FEZ1: variants seen among roughly 807,000 people sequenced by gnomAD.
The protein encoded by FEZ1 is fasciculation and elongation protein zeta-1.
A neutral mutation model predicts 49.3 loss-of-function variants in FEZ1; 20 were observed. The observed-to-expected ratio is 0.41, with a 90% CI of 0.29 to 0.59. The LOEUF (loss-of-function observed/expected upper bound fraction) is 0.59, where lower values mean the gene tolerates loss of function less well. Among genes scored for constraint, FEZ1 ranks in the 20% least tolerant of loss-of-function variants. The pLI is 0.36. For synonymous variants in FEZ1, 170 were observed against 180.9 expected (o/e 0.94, Z 0.48); for missense variants, 413 against 476.0 (o/e 0.87, Z 1.23).
intron 8 of FEZ1, among the ~76,000 whole-genome samples, chr11:125,450,900 T>C (rs969049031): frequency 1.3e-5 from 2 of 152,200 alleles, no homozygotes; most frequent in Non-Finnish European, 2.9e-5. Context: ...TGTTTGCTTT[T>C]CCTTATTTCC....
chr11:125,483,063 A>G (rs967073198), intron 2 of FEZ1, among the ~76,000 whole-genome samples: 14 of 150,682 alleles, frequency 9.3e-5, no homozygotes, highest in Non-Finnish European at 1.9e-4. Flanking sequence ...TCAGGTGCCT[A>G]TGCATGTCAA....
rs138591225 is a variant in FEZ1 at position 125,465,449 on chromosome 11, C to T, written c.412-1879G>A. 4.9e-4 allele frequency among the ~76,000 whole-genome samples: 74 copies of T among 152,176 alleles called. No homozygotes were observed. The East Asian group carries it at 0.012, about 25-fold the overall frequency. On this transcript the variant is annotated intron_variant, in intron 3 of 9. Coordinates refer to ENST00000278919, the MANE Select transcript of FEZ1 (RefSeq NM_005103.5). ...AATGCTAATAAGCCTGGGCTGTGGC[C>T]GGAATGATGCACTAGTAGAGTTTCT...
chr11:125,491,854 C>T (rs1957385812), intron 1 of FEZ1, among the ~76,000 whole-genome samples: 1 of 152,134 alleles, frequency 6.6e-6, no homozygotes, highest in East Asian at 1.9e-4. Context: ...AAAATATATA[C>T]AAGTAGTACC....
chr11:125,464,545 G>T (rs567231887), intron 3 of FEZ1, among the ~76,000 whole-genome samples: 6 of 152,242 alleles, frequency 3.9e-5, no homozygotes, highest in Admixed American at 2.6e-4. Flanking sequence ...CTTCCCTGGG[G>T]CTTGTATTCT....
intron 2 of FEZ1, chr11:125,488,617 T>C (rs1431497006): frequency 1.8e-6 from 1 of 540,996 alleles, no homozygotes; most frequent in African/African-American, 2.1e-5. Context: ...GAGGTGGAGG[T>C]TGCAGTGAGC....
chr11:125,494,206 T>C (rs1957434922), intron 1 of FEZ1, among the ~76,000 whole-genome samples: 1 of 152,184 alleles, frequency 6.6e-6, no homozygotes, highest in Admixed American at 6.5e-5. Flanking sequence ...CCAAACTGAA[T>C]CCAGCATTTG....
chr11:125,491,768 T>C (rs1957384872), intron 1 of FEZ1, among the ~76,000 whole-genome samples: 1 of 152,208 alleles, frequency 6.6e-6, no homozygotes, highest in African/African-American at 2.4e-5. Flanking sequence ...TGGGATTAAG[T>C]TGATTACCGT....
chr11:125,444,022 A>G lies in FEZ1; in HGVS notation c.*2073T>C, dbSNP rs1956875100. Among the ~76,000 whole-genome samples, 1 of 152,232 alleles carries G rather than the reference A, an allele frequency of 6.6e-6. No individual in the cohort carries two copies. Among genetic ancestry groups the G allele is most frequent in the Non-Finnish European group, 1.5e-5 (1 of 68,036 alleles). On this transcript the variant is annotated 3_prime_UTR_variant, in exon 10 of 10. Coordinates refer to ENST00000278919, the MANE Select transcript of FEZ1 (RefSeq NM_005103.5). The stretch of plus-strand genomic sequence containing the variant: ...GCTGGTGAAAAACCCCGTCGCCGGC[A>G]GAGTGCTAAACATGCTAATGACCTC...
Position 125,476,146 on chromosome 11 carries a change from C to T in FEZ1, c.411+5388G>A, listed in dbSNP as rs904268389. On this transcript the variant is annotated intron_variant, in intron 3 of 9. Transcript: ENST00000278919. Reference sequence around the variant, plus strand: ...GATAAGTGGTTGCCCAGAGATTGGGCGGTGAGAGAGAGGGATGAGGAATAT... The same window carrying T: ...GATAAGTGGTTGCCCAGAGATTGGGTGGTGAGAGAGAGGGATGAGGAATAT... Among the ~76,000 whole-genome samples, 4 of 152,070 alleles carry T rather than the reference C, an allele frequency of 2.6e-5. No homozygotes were observed. In the East Asian group the frequency reaches 7.7e-4, roughly 29 times the overall value.
chr11:125,448,477 C>A, intron 9 of FEZ1, 25 bp downstream of exon 9: 1 of 1,553,452 alleles, frequency 6.4e-7, no homozygotes, highest in South Asian at 1.1e-5. Flanking sequence ...CCCTTCTGCT[C>A]CAGGAGGCCT....
At chr11:125,469,996 T>A (rs1332686386) in intron 3 of FEZ1, among the ~76,000 whole-genome samples, 3 of 151,802 alleles carry the variant, frequency 2.0e-5, no homozygotes, top group Non-Finnish European at 4.4e-5. Flanking sequence ...ATTATAGGAG[T>A]AAACCACCAT....
At position 125,454,267 on chromosome 11, in the gene FEZ1, C is replaced by T. The variant is rs887224713; in HGVS notation, c.940-57G>A. 41 of 1,356,630 alleles carry T rather than the reference C, an allele frequency of 3.0e-5. No individual in the cohort carries two copies. In the East Asian group the frequency reaches 7.4e-4, roughly 25 times the overall value. 84.0% of individuals were successfully genotyped at this position (1,356,630 alleles called of 1,614,324 possible). On this transcript the variant is annotated intron_variant, in intron 6 of 9. Coordinates refer to ENST00000278919, the MANE Select transcript of FEZ1 (RefSeq NM_005103.5). ...TGCTTCTTGCTACACTGTCACCACA[C>T]CCAGGGACCTCTCAGCTACCAGGCT... is the stretch of plus-strand genomic sequence containing the variant.
At chr11:125,473,896 C>G (rs1957205412) in intron 3 of FEZ1, among the ~76,000 whole-genome samples, 1 of 149,662 alleles carries the variant, frequency 6.7e-6, no homozygotes, top group African/African-American at 2.4e-5. Context: ...AATTATAAAA[C>G]TTCTAGAAGA....
In FEZ1 at chr11:125,495,248, C is replaced by T. The variant is rs1445326242; in HGVS notation, c.-46+873G>A. 4 of 397,162 alleles carry T rather than the reference C, an allele frequency of 1.0e-5. No individual in the cohort carries two copies. The highest frequency in any genetic ancestry group is 2.1e-5 in the Non-Finnish European group (4 of 187,578). The allele number at this position is 397,162 out of a possible 1,614,324, so 24.6% of individuals were successfully genotyped here. A position where few individuals can be genotyped will look rare whatever the true frequency, so the allele number is the denominator to read the frequency against. ...GCTGGCACTCTGAGGAAGCCGGACT[C>T]ATCCCGTGCAGGCCGCATACACACT... is the stretch of plus-strand genomic sequence containing the variant. On this transcript the variant is annotated intron_variant, in intron 1 of 9. Coordinates refer to ENST00000278919, the MANE Select transcript of FEZ1 (RefSeq NM_005103.5). The surrounding 1 kb of genome is among the most constrained non-coding windows in gnomAD (Gnocchi z 4.2).
chr11:125,469,320 T>C (rs1182360614), intron 3 of FEZ1, among the ~76,000 whole-genome samples: 1 of 152,170 alleles, frequency 6.6e-6, no homozygotes, highest in Admixed American at 6.5e-5. Flanking sequence ...GGGGAGTGGC[T>C]TGATCTCAGC....
rs367794592 is a variant in FEZ1, at chr11:125,448,716, C to G, written c.1097-149G>C. On this transcript the variant is annotated intron_variant, in intron 8 of 9. Coordinates refer to ENST00000278919, the MANE Select transcript of FEZ1 (RefSeq NM_005103.5). Reference sequence around the variant, plus strand: ...GTATTGAGCAAAAGTCTAGAAGGCTCTATCAGGGGTCAGCATTTCAGGGGC... The same window carrying G: ...GTATTGAGCAAAAGTCTAGAAGGCTGTATCAGGGGTCAGCATTTCAGGGGC... 6.5e-4 allele frequency: 399 copies of G among 611,750 alleles called. 7 individuals carry two copies. The highest frequency in any genetic ancestry group is 5.9e-3 in the South Asian group (303 of 51,248). The allele number at this position is 611,750 out of a possible 1,614,324, so 37.9% of individuals were successfully genotyped here. A position where few individuals can be genotyped will look rare whatever the true frequency, so the allele number is the denominator to read the frequency against.
chr11:125,488,076 G>T (rs1049614891), intron 2 of FEZ1, among the ~76,000 whole-genome samples: 4 of 152,148 alleles, frequency 2.6e-5, no homozygotes, highest in African/African-American at 7.2e-5. Flanking sequence ...GATGCATATT[G>T]TATCTCTGCA....
intron 5 of FEZ1, among the ~76,000 whole-genome samples, chr11:125,459,145 T>C (rs955465569): frequency 2.6e-5 from 4 of 152,178 alleles, no homozygotes; most frequent in Non-Finnish European, 4.4e-5. Context: ...CTAACTCCCT[T>C]CCGACTCCAA....
chr11:125,486,776 CAGG>C (rs1269843677), intron 2 of FEZ1, among the ~76,000 whole-genome samples: 1 of 152,206 alleles, frequency 6.6e-6, no homozygotes, highest in Non-Finnish European at 1.5e-5. Flanking sequence ...GAGCTATGTT[CAGG>C]AGAAGTGTAG....
Sources: gnomAD v4.1 joint callset for allele counts (sites outside exome capture counted in the v4.1 genomes callset) on GRCh38, gnomAD v4.1.1 for gene constraint, Gnocchi (gnomAD v3.1) non-coding constraint, MANE v1.5 for transcripts, NCBI Gene and HGNC (gene_info 2026-07-23, HGNC 2026-07-21) for gene names.